Variants in CSMD1 observed in about 807,000 individuals in gnomAD.
The protein encoded by CSMD1 is CUB and sushi domain-containing protein 1.
A neutral mutation model predicts 417.5 loss-of-function variants in CSMD1; 213 were observed. That is an observed-to-expected ratio of 0.51 (90% confidence interval 0.46 to 0.57). The LOEUF is 0.57. Among genes scored for constraint, CSMD1 ranks in the 20% least tolerant of loss-of-function variants. The pLI, the probability that CSMD1 is intolerant of heterozygous loss-of-function variation, is 0.00. For synonymous variants in CSMD1, 2,862 were observed against 1,736.8 expected, an observed-to-expected ratio of 1.65 and a Z score of -16.11; for missense variants, 6,923 against 4,529.7, an observed-to-expected ratio of 1.53 and a Z score of -15.17.
At chr8:4,631,223 G>A (rs977971425) in intron 2 of CSMD1, among the ~76,000 whole-genome samples, 4 of 151,920 alleles carry the variant, frequency 2.6e-5, no homozygotes, top group South Asian at 2.1e-4. Context: ...TTAGCCAGGA[G>A]TGGTGGCATG....
intron 23 of CSMD1, among the ~76,000 whole-genome samples, chr8:3,332,197 C>A (rs376176719): frequency 6.6e-6 from 1 of 152,366 alleles, no homozygotes; most frequent in South Asian, 2.1e-4. Context: ...AAAACTACTG[C>A]TTGATGGCAT....
At chr8:4,081,385 A>G (rs1800123747) in intron 3 of CSMD1, among the ~76,000 whole-genome samples, 2 of 152,164 alleles carry the variant, frequency 1.3e-5, no homozygotes, top group Admixed American at 1.3e-4. Context: ...ATTTCTGAAT[A>G]TAGATGATTA....
intron 10 of CSMD1, among the ~76,000 whole-genome samples, chr8:3,573,867 T>TA (rs1216919598): frequency 2.6e-5 from 4 of 151,932 alleles, no homozygotes; most frequent in Non-Finnish European, 5.9e-5. Context: ...TCCATACCTA[T>TA]AATAGTTTCC....
At chr8:3,703,873 C>A (rs13257126) in intron 7 of CSMD1, among the ~76,000 whole-genome samples, 75,007 of 151,880 alleles carry the variant, frequency 0.49, 18,623 homozygotes, top group Admixed American at 0.58. Flanking sequence ...GAGTTTGAGA[C>A]CAGCCTGGCC....
intron 8 of CSMD1, among the ~76,000 whole-genome samples, chr8:3,591,764 G>A (rs1281938047): frequency 6.7e-6 from 1 of 149,336 alleles, no homozygotes; most frequent in Admixed American, 6.6e-5. Context: ...ACAGATGATA[G>A]ACAAAGAGAT....
At chr8:4,080,232 C>G (rs539202686) in intron 3 of CSMD1, among the ~76,000 whole-genome samples, 2,596 of 152,228 alleles carry the variant, frequency 0.017, 44 homozygotes, top group South Asian at 0.052. Flanking sequence ...CTCCTTAAAA[C>G]CCATCATCAC....
At chr8:4,188,512 T>G (rs1231047764) in intron 3 of CSMD1, among the ~76,000 whole-genome samples, 1 of 152,094 alleles carries the variant, frequency 6.6e-6, no homozygotes, top group African/African-American at 2.4e-5. Flanking sequence ...AAAAGATGAC[T>G]TGCAAATAGT....
At chr8:3,251,164 C>G (rs1191867405) in intron 26 of CSMD1, among the ~76,000 whole-genome samples, 10 of 152,218 alleles carry the variant, frequency 6.6e-5, no homozygotes, top group Admixed American at 2.0e-4. Context: ...ATGGTATTGC[C>G]TAGGTTTTCT....
At chr8:3,082,242 G>C (rs1814155650) in intron 49 of CSMD1, among the ~76,000 whole-genome samples, 2 of 152,298 alleles carry the variant, frequency 1.3e-5, no homozygotes, top group Admixed American at 6.5e-5. Flanking sequence ...TTATGCCACG[G>C]AAAGATCAAG....
At chr8:4,126,236 A>C (rs1478234125) in intron 3 of CSMD1, among the ~76,000 whole-genome samples, 1 of 152,152 alleles carries the variant, frequency 6.6e-6, no homozygotes, top group African/African-American at 2.4e-5. Context: ...GAGTAATAAT[A>C]AAACTCCAGT....
Position 3,110,234 on chromosome 8 carries a change from C to G in CSMD1, c.6532G>C (p.Val2178Leu). ...ILKDCIWLITVPPGHGVYINF... is the reference protein window; with the variant it reads ...ILKDCIWLITLPPGHGVYINF... ...ATGTAAACTCCGTGCCCTGGAGGCACCGTGATGAGCCAAATGCAGTCCTTC... is the reference window on the plus strand; with the variant it reads ...ATGTAAACTCCGTGCCCTGGAGGCAGCGTGATGAGCCAAATGCAGTCCTTC... The change falls in exon 43 of 70, where the codon GTG (valine) becomes CTG (leucine). Residue 2178 changes from valine (V) to leucine (L), a missense_variant. Val to Leu is a conservative substitution (Grantham distance 32, BLOSUM62 1). Transcript: ENST00000635120. 1 of 1,613,200 alleles carries G rather than the reference C, an allele frequency of 6.2e-7. No homozygotes were observed.
intron 52 of CSMD1, among the ~76,000 whole-genome samples, chr8:3,002,426 C>T (rs1807489326): frequency 6.6e-6 from 1 of 152,154 alleles, no homozygotes; most frequent in Admixed American, 6.5e-5. Flanking sequence ...AGATCCCAGC[C>T]ATTTCTGAGG....
In CSMD1 at chr8:3,787,306, G is replaced by C. The variant is rs190035817; in HGVS notation, c.819-33264C>G. Among the ~76,000 whole-genome samples the C allele has an allele frequency of 1.8e-4, 27 of 152,184 alleles. No individual in the cohort carries two copies. The East Asian group carries it at 5.2e-3, about 29-fold the overall frequency. ...TCAATTTTAGAAAATTGATTTCATGGATATTTAAATTGGAAAGCTATAGAG... is the reference window on the plus strand; with the variant it reads ...TCAATTTTAGAAAATTGATTTCATGCATATTTAAATTGGAAAGCTATAGAG... On this transcript the variant is annotated intron_variant, in intron 5 of 69. Coordinates refer to ENST00000635120, the MANE Select transcript of CSMD1 (RefSeq NM_033225.6).
At chr8:3,950,029 G>C in intron 5 of CSMD1, 1 of 455,706 alleles carries the variant, frequency 2.2e-6, no homozygotes, top group South Asian at 1.5e-5. Context: ...CATTTCCTGT[G>C]CGTATTTGCT....
chr8:4,571,791 C>T lies in CSMD1; in HGVS notation c.302+65551G>A, dbSNP rs555829023. On this transcript the variant is annotated intron_variant, in intron 2 of 69. Transcript: ENST00000635120. Reference sequence around the variant, plus strand: ...CTCTTTGTACGTCTCTAAGAACTTGCTTTCCGAATCTGGGGGCTTCTATAT... The same window carrying T: ...CTCTTTGTACGTCTCTAAGAACTTGTTTTCCGAATCTGGGGGCTTCTATAT... Among the ~76,000 whole-genome samples, 3 of 152,276 alleles carry T rather than the reference C, an allele frequency of 2.0e-5. No individual in the cohort carries two copies. In the South Asian group the frequency reaches 6.2e-4, roughly 32 times the overall value.
At chr8:4,838,360 T>C (rs947619080) in intron 1 of CSMD1, among the ~76,000 whole-genome samples, 2 of 152,152 alleles carry the variant, frequency 1.3e-5, no homozygotes, top group East Asian at 1.9e-4. Flanking sequence ...GACTATGCAA[T>C]CAATTATTGA....
chr8:4,748,488 G>A (rs536749140), intron 1 of CSMD1, among the ~76,000 whole-genome samples: 16 of 152,268 alleles, frequency 1.1e-4, no homozygotes, highest in African/African-American at 3.1e-4. Flanking sequence ...CTGGCTGTGC[G>A]TCAGTTCCCA....
At chr8:4,190,013 C>G (rs1459351642) in intron 3 of CSMD1, among the ~76,000 whole-genome samples, 1 of 151,732 alleles carries the variant, frequency 6.6e-6, no homozygotes, top group East Asian at 1.9e-4. Context: ...AATCCCAGCA[C>G]TTTGGGAGGC....
chr8:4,689,506 A>G (rs1282226768), intron 1 of CSMD1, among the ~76,000 whole-genome samples: 1 of 152,216 alleles, frequency 6.6e-6, no homozygotes, highest in Non-Finnish European at 1.5e-5. Flanking sequence ...TTTCTTGGAT[A>G]ACTTCTCAGA....
Sources: gnomAD v4.1 joint callset for allele counts (sites outside exome capture counted in the v4.1 genomes callset) on GRCh38, gnomAD v4.1.1 for gene constraint, MANE v1.5 for transcripts, NCBI Gene and HGNC (gene_info 2026-07-23, HGNC 2026-07-21) for gene names.